MAP3K1: variants seen among roughly 807,000 people sequenced by gnomAD.
MAP3K1 encodes the protein mitogen-activated protein kinase kinase kinase 1, also known as MAP/ERK kinase kinase 1.
In MAP3K1, 36 loss-of-function variants were observed where a neutral mutation model predicts 144.2. The ratio of observed to expected loss-of-function variants is 0.25; its 90% CI spans 0.19 to 0.33. The LOEUF (loss-of-function observed/expected upper bound fraction) is 0.33, where lower values mean the gene tolerates loss of function less well. MAP3K1 is among the 10% of genes least tolerant of loss of function. The probability of loss-of-function intolerance (pLI) is 1.00; values close to 1 mark genes in which losing one functional copy is unlikely to be tolerated. For synonymous variants in MAP3K1, 718 were observed against 688.7 expected, an observed-to-expected ratio of 1.04 and a Z score of -0.67; for missense variants, 1,650 against 1,881.9, an observed-to-expected ratio of 0.88 and a Z score of 2.28.
chr5:56,882,190 C>G lies in MAP3K1; in HGVS notation c.2990C>G (p.Thr997Ser), dbSNP rs895105607. ...TCTACCCCATCTGTACCAGCTGGCA[C>G]TGCAACAGATGTCTCTAAGCATAGA... The part of the protein sequence containing the change: ...SSSTPSVPAG[T>S]ATDVSKHRLQ... Residue 997 changes from threonine to serine, a missense_variant, in exon 14 of 20, where the codon ACT becomes AGT. Physicochemically the swap from Thr to Ser is moderately conservative, Grantham distance 58. This residue lies in a region of MAP3K1 where 841 missense variants were observed against 886.5 expected (regional missense o/e 0.95). Transcript: ENST00000399503. 4.3e-6 allele frequency: 7 copies of G among 1,614,026 alleles called. No individual in the cohort carries two copies. In the African/African-American group the frequency reaches 8.0e-5, roughly 18 times the overall value.
intron 1 of MAP3K1, among the ~76,000 whole-genome samples, chr5:56,817,925 C>G (rs1038802421): frequency 3.9e-5 from 6 of 152,168 alleles, no homozygotes; most frequent in African/African-American, 1.4e-4. Context: ...AATTTAGGGA[C>G]TAAGTAATCC....
intron 17 of MAP3K1, among the ~76,000 whole-genome samples, chr5:56,887,043 G>A (rs1748398148): frequency 6.6e-6 from 1 of 152,196 alleles, no homozygotes; most frequent in East Asian, 1.9e-4. Context: ...GATTACAGGC[G>A]TCAGCCACCG....
Position 56,878,968 on chromosome 5 carries a change from T to C in MAP3K1, c.1966-12T>C. 6.2e-7 allele frequency: 1 copy of C among 1,613,694 alleles called. No individual in the cohort carries two copies. The highest frequency in any genetic ancestry group is 8.5e-7 in the Non-Finnish European group (1 of 1,179,782). ...AGTGTACATAAACTGACCTTCAGAT[T>C]TTTTTCCTTAGAAAACATTGAGAGC... On this transcript the variant is annotated splice_polypyrimidine_tract_variant and intron_variant, in intron 10 of 19. Transcript: ENST00000399503.
In MAP3K1 at chr5:56,815,842, C is replaced by T; in HGVS notation, c.269C>T (p.Ser90Phe). ...GCCTCACCGCCGGCCTCCTCGACTT[C>T]CCCGTCGCCGGAGCCCGCGGACGCA... ...LAASPPASSTSPSPEPADAAG... is the reference protein window; with the variant it reads ...LAASPPASSTFPSPEPADAAG... The change falls in exon 1 of 20, where the codon TCC becomes TTC. Residue 90 changes from serine to phenylalanine, a missense_variant. Physicochemically the swap from Ser to Phe is radical, Grantham distance 155. Around this residue, in one of 6 missense-constraint regions of MAP3K1, gnomAD observed 360 missense variants for 274.7 expected, o/e 1.31. Coordinates refer to ENST00000399503, the MANE Select transcript of MAP3K1 (RefSeq NM_005921.2). The T allele has an allele frequency of 7.1e-7, 1 of 1,406,504 alleles. No homozygotes were observed. Among genetic ancestry groups the T allele is most frequent in the East Asian group, 3.1e-5 (1 of 31,990 alleles). 87.1% of individuals were successfully genotyped at this position (1,406,504 alleles called of 1,614,324 possible).
intron 1 of MAP3K1, among the ~76,000 whole-genome samples, chr5:56,850,809 A>G (rs924075811): frequency 6.6e-6 from 1 of 152,252 alleles, no homozygotes; most frequent in Non-Finnish European, 1.5e-5. Context: ...CTGGCATGTA[A>G]TATAATTTTT....
intron 1 of MAP3K1, chr5:56,817,251 A>G (rs1746006438): frequency 3.8e-6 from 1 of 263,010 alleles, no homozygotes; most frequent in South Asian, 1.4e-4. Context: ...AACGTATGCA[A>G]AGTACAAAGT....
chr5:56,870,780 A>T (rs1747828273), intron 6 of MAP3K1, among the ~76,000 whole-genome samples: 1 of 152,184 alleles, frequency 6.6e-6, no homozygotes, highest in African/African-American at 2.4e-5. Flanking sequence ...CATTGCCTTA[A>T]TTAATGTACA....
At chr5:56,881,546 G>T (rs2111940815) in intron 13 of MAP3K1, 24 bp from the exon 14 acceptor site, 1 of 1,548,902 alleles carries the variant, frequency 6.5e-7, no homozygotes, top group Non-Finnish European at 8.9e-7. Flanking sequence ...AACTTATATG[G>T]TAATGAATGT....
intron 18 of MAP3K1, 143 bp downstream of exon 18, chr5:56,887,663 T>C: frequency 1.2e-6 from 1 of 868,874 alleles, no homozygotes; most frequent in South Asian, 1.4e-5. Context: ...TTTAATAATA[T>C]CTTTCAGACC....
intron 11 of MAP3K1, 38 bp from the exon 12 acceptor site, chr5:56,880,673 A>C: frequency 7.1e-7 from 1 of 1,402,628 alleles, no homozygotes; most frequent in East Asian, 2.3e-5. Flanking sequence ...TGTTTTAGCC[A>C]AGATCCAGGA....
chr5:56,841,429 T>C (rs962856790), intron 1 of MAP3K1, among the ~76,000 whole-genome samples: 1 of 152,180 alleles, frequency 6.6e-6, no homozygotes, highest in Non-Finnish European at 1.5e-5. Context: ...TCACCCATAC[T>C]GATATACTGC....
In MAP3K1 at chr5:56,865,276, A is replaced by C. The variant is rs1039509187; in HGVS notation, c.1036-64A>C. ...AAGTTGGAAATATTGTAAAAGTGAT[A>C]AATTTAGAAGTTCTTGTGAACCACA... is the stretch of plus-strand genomic sequence containing the variant. On this transcript the variant is annotated intron_variant, in intron 4 of 19. Coordinates refer to ENST00000399503, the MANE Select transcript of MAP3K1 (RefSeq NM_005921.2). 144 of 940,166 alleles carry C rather than the reference A, an allele frequency of 1.5e-4. 1 individual carries two copies. The highest frequency in any genetic ancestry group is 2.2e-4 in the Non-Finnish European group (128 of 581,738). The allele number at this position is 940,166 out of a possible 1,614,324, so 58.2% of individuals were successfully genotyped here.
chr5:56,842,358 G>C (rs886777484), intron 1 of MAP3K1: 2 of 152,218 alleles, frequency 1.3e-5, no homozygotes, highest in African/African-American at 4.8e-5. Context: ...AATTGTCACT[G>C]ACTATGGAGA....
chr5:56,824,849 C>T (rs1746261863), intron 1 of MAP3K1, among the ~76,000 whole-genome samples: 1 of 151,984 alleles, frequency 6.6e-6, no homozygotes, highest in Non-Finnish European at 1.5e-5. Context: ...TTATTGTTGA[C>T]CTGAGTCATT....
chr5:56,866,419 GTGTATGTATGTATGTCTGTATGTA>G (rs1003130123), intron 6 of MAP3K1, among the ~76,000 whole-genome samples: 10 of 152,054 alleles, frequency 6.6e-5, no homozygotes, highest in African/African-American at 2.4e-4. Flanking sequence ...ATGTGGGTGT[GTGTATGTATGTATGTCTGTATGTA>G]TGTATGTATG....
chr5:56,818,575 A>T (rs976602489), intron 1 of MAP3K1, among the ~76,000 whole-genome samples: 1 of 152,166 alleles, frequency 6.6e-6, no homozygotes, highest in African/African-American at 2.4e-5. Flanking sequence ...TCAGGGTGAT[A>T]GCTGAAATCA....
intron 3 of MAP3K1, 102 bp from the exon 4 acceptor site, chr5:56,864,632 C>CA (rs1747620321): frequency 7.8e-7 from 1 of 1,285,768 alleles, no homozygotes; most frequent in African/African-American, 1.5e-5. Flanking sequence ...CTCGGCCTCC[C>CA]AAAGTGCTGG....
Position 56,856,748 on chromosome 5 carries a change from G to A in MAP3K1, c.631G>A (p.Val211Met), listed in dbSNP as rs1412409221. Residue 211 changes from valine to methionine, a missense_variant and splice_region_variant, in exon 2 of 20, where the codon GTG (valine) becomes ATG (methionine). By Grantham distance (21) the Val-to-Met change is conservative (BLOSUM62 1). Transcript: ENST00000399503. ...GGAAAGGAGAAATAGGCGAGGGCCT[G>A]TGGTAAGTGGCTATGGGTTACCAGT... The part of the protein sequence containing the change: ...WLERRNRRGP[V>M]VVKPIPVKGD... 1 of 1,613,914 alleles carries A rather than the reference G, an allele frequency of 6.2e-7. No individual in the cohort carries two copies. The highest frequency in any genetic ancestry group is 8.5e-7 in the Non-Finnish European group (1 of 1,179,806).
chr5:56,875,862 CAACGTT>C (rs1350230551), intron 10 of MAP3K1, among the ~76,000 whole-genome samples: 2 of 152,008 alleles, frequency 1.3e-5, no homozygotes, highest in African/African-American at 4.8e-5. Context: ...GCAGAGTCAT[CAACGTT>C]ATTCTGATTT....
Sources: gnomAD v4.1 joint callset for allele counts (sites outside exome capture counted in the v4.1 genomes callset) on GRCh38, gnomAD v4.1.1 for gene constraint, gnomAD v4.1.1 regional missense constraint, MANE v1.5 for transcripts, NCBI Gene and HGNC (gene_info 2026-07-23, HGNC 2026-07-21) for gene names.